Variants in TCAIM observed in about 807,000 individuals in gnomAD.
TCAIM encodes T cell activation inhibitor, mitochondrial, also known as T-cell activation inhibitor, mitochondrial.
A neutral mutation model predicts 58.6 loss-of-function variants in TCAIM; 36 were observed. The ratio of observed to expected loss-of-function variants is 0.61; its 90% CI spans 0.47 to 0.81. The LOEUF (loss-of-function observed/expected upper bound fraction) is 0.81. TCAIM is among the 30% of genes least tolerant of loss of function. The pLI, the probability that TCAIM is intolerant of heterozygous loss-of-function variation, is 0.00. For missense variants in TCAIM, 466 were observed against 579.6 expected, an observed-to-expected ratio of 0.80 and a Z score of 2.01; for synonymous variants, 172 against 193.6, an observed-to-expected ratio of 0.89 and a Z score of 0.93.
intron 1 of TCAIM, among the ~76,000 whole-genome samples, chr3:44,342,848 A>G (rs1329043563): frequency 6.6e-6 from 1 of 152,068 alleles, no homozygotes; most frequent in East Asian, 1.9e-4. Context: ...TTAAATAAAC[A>G]TTTTAAGGCT....
intron 2 of TCAIM, among the ~76,000 whole-genome samples, chr3:44,356,946 A>G (rs1200166716): frequency 4.6e-5 from 7 of 152,084 alleles, no homozygotes; most frequent in African/African-American, 1.4e-4. Context: ...ATGCCACTGC[A>G]CTCCAGCCTG....
intron 1 of TCAIM, among the ~76,000 whole-genome samples, chr3:44,348,496 G>T (rs1276887778): frequency 6.6e-6 from 1 of 152,216 alleles, no homozygotes; most frequent in African/African-American, 2.4e-5. Flanking sequence ...GATCCTGGGG[G>T]AGGAGGTCCT....
At chr3:44,339,299 A>T (rs1341554951) in intron 1 of TCAIM, among the ~76,000 whole-genome samples, 1 of 152,202 alleles carries the variant, frequency 6.6e-6, no homozygotes, top group East Asian at 1.9e-4. Flanking sequence ...ATAGTCACTA[A>T]GGGAAGTCAC....
At chr3:44,367,923 A>G (rs150863172) in intron 5 of TCAIM, 36 of 452,404 alleles carry the variant, frequency 8.0e-5, no homozygotes, top group African/African-American at 3.9e-4. Context: ...AAAGCTGCCA[A>G]AATACTTCCA....
At chr3:44,377,561 A>G (rs1443291174) in intron 5 of TCAIM, among the ~76,000 whole-genome samples, 1 of 152,210 alleles carries the variant, frequency 6.6e-6, no homozygotes, top group Non-Finnish European at 1.5e-5. Context: ...CCTAACAACA[A>G]CAGCATACAC....
intron 8 of TCAIM, 29 bp downstream of exon 8, chr3:44,396,863 C>G: frequency 6.3e-7 from 1 of 1,589,206 alleles, no homozygotes; most frequent in Non-Finnish European, 8.6e-7. Context: ...ATTAAAAACT[C>G]CTTGTCATTC....
chr3:44,367,003 G>C (rs1227898096), intron 4 of TCAIM, among the ~76,000 whole-genome samples: 1 of 152,168 alleles, frequency 6.6e-6, no homozygotes, highest in East Asian at 1.9e-4. Flanking sequence ...ATGGGTTTCT[G>C]TGACCACTGA....
intron 5 of TCAIM, among the ~76,000 whole-genome samples, chr3:44,369,535 A>G (rs1701431115): frequency 6.6e-6 from 1 of 152,180 alleles, no homozygotes; most frequent in Non-Finnish European, 1.5e-5. Flanking sequence ...AGGACCTAGA[A>G]CTGGACTTAG....
At position 44,354,763 on chromosome 3, in the gene TCAIM, A is replaced by C. The variant is rs745625477; in HGVS notation, c.-20A>C. 6.5e-5 allele frequency: 104 copies of C among 1,605,590 alleles called. 5 individuals are homozygous for C. The South Asian group carries it at 1.1e-3, about 17-fold the overall frequency. ...GCAATTAATGGATGCCTCGAAGTTG[A>C]CGTACATATATATTCAGAAATGTTT... On this transcript the variant is annotated 5_prime_UTR_variant, in exon 2 of 11. It removes the in-frame stop codon of an upstream open reading frame in the 5' UTR. Transcript: ENST00000342649.
chr3:44,387,073 G>A (rs1426018779), intron 5 of TCAIM, among the ~76,000 whole-genome samples: 1 of 152,166 alleles, frequency 6.6e-6, no homozygotes, highest in Non-Finnish European at 1.5e-5. Flanking sequence ...CCCAAACTCA[G>A]CCAGACTCAT....
chr3:44,396,261 A>T, intron 6 of TCAIM, 139 bp from the exon 7 acceptor site: 1 of 622,138 alleles, frequency 1.6e-6, no homozygotes, highest in Non-Finnish European at 2.7e-6. Flanking sequence ...TTAGAAACAT[A>T]TGATCAATCA....
chr3:44,348,783 T>TA (rs1701026664), intron 1 of TCAIM, among the ~76,000 whole-genome samples: 2 of 152,216 alleles, frequency 1.3e-5, no homozygotes, highest in Admixed American at 6.5e-5. Context: ...GTAAAGCGTC[T>TA]AAAGGTTGCT....
At chr3:44,391,096 GAGTTTCT>G (rs1701826726) in intron 5 of TCAIM, 1 of 152,192 alleles carries the variant, frequency 6.6e-6, no homozygotes, top group Admixed American at 6.5e-5. Flanking sequence ...CACCAAGTGA[GAGTTTCT>G]ACAGAGGCAG....
intron 2 of TCAIM, 84 bp from the exon 3 acceptor site, chr3:44,357,657 T>G: frequency 6.5e-7 from 1 of 1,541,048 alleles, no homozygotes; most frequent in African/African-American, 1.4e-5. Flanking sequence ...GCATAGTACG[T>G]TTAGTTTTAT....
Position 44,400,455 on chromosome 3 carries a change from T to C in TCAIM, c.986T>C (p.Ile329Thr), listed in dbSNP as rs367741766. 6.2e-7 allele frequency: 1 copy of C among 1,613,878 alleles called. No individual in the cohort carries two copies. Among genetic ancestry groups the C allele is most frequent in the Non-Finnish European group, 8.5e-7 (1 of 1,179,870 alleles). ...TTAGGTGGCATACAAGTTGTTTATA[T>C]TGAAGAATTACAGCCAGTATTGACA... ...YLLGGIQVVY[I>T]EELQPVLTLE... Residue 329 changes from isoleucine (I) to threonine (T), a missense_variant, in exon 9 of 11, where the codon ATT becomes ACT. By Grantham distance (89) the Ile-to-Thr change is moderately conservative. Coordinates refer to ENST00000342649, the MANE Select transcript of TCAIM (RefSeq NM_173826.4).
At chr3:44,352,923 CT>C (rs61357631) in intron 1 of TCAIM, among the ~76,000 whole-genome samples, 166 of 131,690 alleles carry the variant, frequency 1.3e-3, no homozygotes, top group Middle Eastern at 8.2e-3. Context: ...AGATTGACTT[CT>C]TTTTTTTTTT....
intron 1 of TCAIM, among the ~76,000 whole-genome samples, chr3:44,353,572 C>T (rs1701135650): frequency 6.6e-6 from 1 of 152,206 alleles, no homozygotes; most frequent in South Asian, 2.1e-4. Flanking sequence ...GTTGCTGTTG[C>T]CACACATCCT....
At chr3:44,347,472 G>C (rs1357097427) in intron 1 of TCAIM, among the ~76,000 whole-genome samples, 2 of 152,166 alleles carry the variant, frequency 1.3e-5, no homozygotes, top group African/African-American at 4.8e-5. Flanking sequence ...AAAGGGGCTG[G>C]GAGGAGGAGT....
intron 5 of TCAIM, among the ~76,000 whole-genome samples, chr3:44,377,531 G>C (rs775825294): frequency 4.1e-4 from 62 of 152,154 alleles, no homozygotes; most frequent in Non-Finnish European, 7.9e-4. Flanking sequence ...GGATCTAACA[G>C]ACATATACAA....
Sources: gnomAD v4.1 joint callset for allele counts (sites outside exome capture counted in the v4.1 genomes callset) on GRCh38, gnomAD v4.1.1 for gene constraint, MANE v1.5 for transcripts, NCBI Gene and HGNC (gene_info 2026-07-23, HGNC 2026-07-21) for gene names.